SECISBP2L: variants seen among roughly 807,000 people sequenced by gnomAD.
SECISBP2L encodes the protein SECIS binding protein 2 like.
A neutral mutation model predicts 114.7 loss-of-function variants in SECISBP2L; 43 were observed. The ratio of observed to expected loss-of-function variants is 0.38; its 90% CI spans 0.29 to 0.48. The LOEUF (loss-of-function observed/expected upper bound fraction) is 0.48. SECISBP2L is among the 20% of genes least tolerant of loss of function. The pLI is 0.98. For missense variants in SECISBP2L, 1,136 were observed against 1,301.1 expected (o/e 0.87, Z 1.95); for synonymous variants, 451 against 439.7 (o/e 1.03, Z -0.32).
intron 13 of SECISBP2L, among the ~76,000 whole-genome samples, chr15:49,009,579 G>T (rs1371046100): frequency 6.6e-6 from 1 of 152,036 alleles, no homozygotes; most frequent in African/African-American, 2.4e-5. Flanking sequence ...ATTGTCTGTT[G>T]AAGTATATTC....
intron 12 of SECISBP2L, 83 bp downstream of exon 12, chr15:49,012,565 A>T: frequency 7.1e-7 from 1 of 1,412,432 alleles, no homozygotes; most frequent in Non-Finnish European, 9.8e-7. Flanking sequence ...CTGTTGGCTA[A>T]GACACCACAA....
chr15:49,035,194 T>C, intron 3 of SECISBP2L, 140 bp downstream of exon 3: 7 of 681,886 alleles, frequency 1.0e-5, no homozygotes, highest in Non-Finnish European at 2.4e-6. Context: ...AAGAATTACA[T>C]ACCCTTTACC....
intron 14 of SECISBP2L, among the ~76,000 whole-genome samples, chr15:49,007,123 G>A (rs921034548): frequency 2.6e-5 from 4 of 152,188 alleles, no homozygotes; most frequent in African/African-American, 9.6e-5. Flanking sequence ...ATCACCAGCG[G>A]AGGCTACAGA....
intron 3 of SECISBP2L, among the ~76,000 whole-genome samples, chr15:49,034,740 C>T (rs1902970973): frequency 6.7e-6 from 1 of 148,832 alleles, no homozygotes; most frequent in Non-Finnish European, 1.5e-5. Flanking sequence ...TCTCAGTTCA[C>T]TGCAGTCTTG....
intron 14 of SECISBP2L, chr15:49,002,029 CG>C (rs1673219504): frequency 1.8e-5 from 2 of 108,158 alleles, no homozygotes; most frequent in Admixed American, 8.6e-5. Context: ...CTTGAGGAAT[CG>C]ACACACTGTC....
At chr15:49,021,771 C>T (rs577573161) in intron 7 of SECISBP2L, among the ~76,000 whole-genome samples, 3 of 152,096 alleles carry the variant, frequency 2.0e-5, no homozygotes, top group Non-Finnish European at 4.4e-5. Flanking sequence ...AAATTAAAAC[C>T]CCCAAACTAA....
At chr15:49,027,806 T>C (rs1458239288) in intron 6 of SECISBP2L, among the ~76,000 whole-genome samples, 2 of 152,096 alleles carry the variant, frequency 1.3e-5, no homozygotes, top group East Asian at 3.9e-4. Context: ...AGATTGGGTT[T>C]CATCATGTTG....
intron 17 of SECISBP2L, among the ~76,000 whole-genome samples, 180 bp from the exon 18 acceptor site, chr15:48,993,106 T>A (rs200058669): frequency 0.025 from 1,859 of 75,808 alleles, 14 homozygotes; most frequent in African/African-American, 0.046. Context: ...AGAGAGTGTG[T>A]GTGTGTGTGT....
intron 11 of SECISBP2L, 49 bp from the exon 12 acceptor site, chr15:49,012,866 T>C (rs770063088): frequency 1.9e-6 from 3 of 1,551,974 alleles, no homozygotes; most frequent in Non-Finnish European, 2.6e-6. Context: ...CAATCCCACA[T>C]ACTTTCAAAA....
chr15:48,991,619 A>G lies in SECISBP2L; in HGVS notation c.*625T>C, dbSNP rs148880678. 1 of 152,662 alleles carries G rather than the reference A, an allele frequency of 6.6e-6. No homozygotes were observed. Among genetic ancestry groups the G allele is most frequent in the Non-Finnish European group, 1.5e-5 (1 of 68,072 alleles). The allele number at this position is 152,662 out of a possible 1,614,324, so 9.5% of individuals were successfully genotyped here. A position where few individuals can be genotyped will look rare whatever the true frequency, so the allele number is the denominator to read the frequency against. On this transcript the variant is annotated 3_prime_UTR_variant, in exon 18 of 18. Transcript: ENST00000559471. Reference sequence around the variant, plus strand: ...TTTCCACAAATGAGGCTAGCTAGCTATAATCTAAGATGGTGGCTCCACTGC... The same window carrying G: ...TTTCCACAAATGAGGCTAGCTAGCTGTAATCTAAGATGGTGGCTCCACTGC...
chr15:49,044,276 A>C (rs1903198427), intron 1 of SECISBP2L, among the ~76,000 whole-genome samples: 1 of 152,200 alleles, frequency 6.6e-6, no homozygotes, highest in South Asian at 2.1e-4. Flanking sequence ...GTATAATCCA[A>C]ATATCCTGGA....
At chr15:49,044,617 A>T (rs929532681) in intron 1 of SECISBP2L, among the ~76,000 whole-genome samples, 5 of 152,034 alleles carry the variant, frequency 3.3e-5, no homozygotes, top group Non-Finnish European at 5.9e-5. Flanking sequence ...GTACTGGAAG[A>T]AAAAAAAGTC....
At position 49,037,660 on chromosome 15, in the gene SECISBP2L, A is replaced by G; in HGVS notation, c.134T>C (p.Val45Ala). The G allele has an allele frequency of 6.2e-7, 1 of 1,613,924 alleles. No homozygotes were observed. The highest frequency in any genetic ancestry group is 8.5e-7 in the Non-Finnish European group (1 of 1,179,898). Reference protein sequence around the residue: ...LPNDNGSVSGVEPTPIPSYLI... With the variant: ...LPNDNGSVSGAEPTPIPSYLI... The stretch of plus-strand genomic sequence containing the variant: ...GTAGCTGGGAATTGGAGTTGGTTCC[A>G]CACCAGAAACACTTCCATTATCATT... The change falls in exon 2 of 18, where the codon GTG becomes GCG. Residue 45 changes from valine to alanine, a missense_variant. Coordinates refer to ENST00000559471, the MANE Select transcript of SECISBP2L (RefSeq NM_001193489.2).
chr15:48,999,696 A>G (rs1902164165), intron 16 of SECISBP2L, 137 bp downstream of exon 16: 1 of 911,484 alleles, frequency 1.1e-6, no homozygotes, highest in Non-Finnish European at 1.6e-6. Flanking sequence ...ATACTCAAAA[A>G]ATTTCCATTT....
intron 17 of SECISBP2L, among the ~76,000 whole-genome samples, chr15:48,993,444 T>C (rs1401607661): frequency 6.6e-6 from 1 of 152,126 alleles, no homozygotes; most frequent in East Asian, 1.9e-4. Flanking sequence ...CATATATTCA[T>C]GAAAATCAAT....
intron 11 of SECISBP2L, among the ~76,000 whole-genome samples, chr15:49,016,165 C>T (rs1902531762): frequency 6.6e-6 from 1 of 152,138 alleles, no homozygotes; most frequent in African/African-American, 2.4e-5. Context: ...ATCCAGCTTA[C>T]ATTTTAAAAA....
intron 3 of SECISBP2L, among the ~76,000 whole-genome samples, chr15:49,034,660 A>G (rs539894309): frequency 1.9e-4 from 17 of 89,066 alleles, no homozygotes; most frequent in African/African-American, 5.6e-4. Context: ...GATTGAAAGT[A>G]TATCTTTTGT....
intron 16 of SECISBP2L, among the ~76,000 whole-genome samples, chr15:48,998,702 G>A (rs1902145241): frequency 6.6e-6 from 1 of 152,086 alleles, no homozygotes; most frequent in Non-Finnish European, 1.5e-5. Flanking sequence ...ACAGTAACAG[G>A]TGCACTACCA....
At chr15:49,009,993 C>T (rs1025751666) in intron 13 of SECISBP2L, among the ~76,000 whole-genome samples, 1 of 150,912 alleles carries the variant, frequency 6.6e-6, no homozygotes, top group East Asian at 2.0e-4. Context: ...ATTAGCCGGG[C>T]GTGGTGGCAC....
Sources: gnomAD v4.1 joint callset for allele counts (sites outside exome capture counted in the v4.1 genomes callset) on GRCh38, gnomAD v4.1.1 for gene constraint, MANE v1.5 for transcripts, NCBI Gene and HGNC (gene_info 2026-07-23, HGNC 2026-07-21) for gene names.